Variants in WDFY3 observed in about 807,000 individuals in gnomAD.
The protein encoded by WDFY3 is WD repeat and FYVE domain-containing protein 3.
A neutral mutation model predicts 409.6 loss-of-function variants in WDFY3; 66 were observed. The ratio of observed to expected loss-of-function variants is 0.16; its 90% confidence interval spans 0.13 to 0.20. The LOEUF (loss-of-function observed/expected upper bound fraction) is 0.20, where lower values mean the gene tolerates loss of function less well. Ranked by LOEUF, WDFY3 falls within the 10% of genes least tolerant of loss-of-function variation. The probability of loss-of-function intolerance (pLI) is 1.00; values close to 1 mark genes in which losing one functional copy is unlikely to be tolerated. For missense variants in WDFY3, 3,031 were observed against 4,298.1 expected, an observed-to-expected ratio of 0.71 and a Z score of 8.24; for synonymous variants, 1,521 against 1,537.1, an observed-to-expected ratio of 0.99 and a Z score of 0.25.
chr4:84,874,341 A>G (rs1027464337), intron 3 of WDFY3, among the ~76,000 whole-genome samples: 1 of 151,830 alleles, frequency 6.6e-6, no homozygotes, highest in Non-Finnish European at 1.5e-5. Context: ...TGAGCCCAGG[A>G]GGCGGAGGTT....
At chr4:84,790,031 G>A in intron 21 of WDFY3, 124 bp from the exon 22 acceptor site, 7 of 1,056,212 alleles carry the variant, frequency 6.6e-6, no homozygotes, top group Non-Finnish European at 9.5e-6. Flanking sequence ...ACTGATTTGA[G>A]TAATAATACA....
chr4:84,803,542 C>T (rs1328610604), intron 15 of WDFY3, 75 bp from the exon 16 acceptor site: 4 of 1,469,890 alleles, frequency 2.7e-6, no homozygotes. Flanking sequence ...CTTTCATCCA[C>T]TGATAACCAA....
chr4:84,916,180 G>A (rs1166489242), intron 2 of WDFY3, among the ~76,000 whole-genome samples: 1 of 151,990 alleles, frequency 6.6e-6, no homozygotes, highest in Non-Finnish European at 1.5e-5. Context: ...AAAAATAACA[G>A]GTCAAGAAAT....
chr4:84,824,165 T>C (rs1465294430), intron 10 of WDFY3, among the ~76,000 whole-genome samples: 1 of 152,190 alleles, frequency 6.6e-6, no homozygotes, highest in African/African-American at 2.4e-5. Flanking sequence ...CATGGTTTTA[T>C]TTTCTGTGGT....
intron 1 of WDFY3, among the ~76,000 whole-genome samples, chr4:84,955,705 AT>A (rs1774158629): frequency 6.6e-6 from 1 of 152,254 alleles, no homozygotes; most frequent in Non-Finnish European, 1.5e-5. Context: ...AATTAAAAAA[AT>A]CAATAAGGTA....
intron 17 of WDFY3, among the ~76,000 whole-genome samples, chr4:84,799,939 A>G (rs1750203573): frequency 6.6e-6 from 1 of 152,188 alleles, no homozygotes; most frequent in Non-Finnish European, 1.5e-5. Flanking sequence ...TATGCAATGT[A>G]AGTTATCTGG....
At chr4:84,837,116 GAATA>G (rs1401152688) in intron 6 of WDFY3, 26 bp from the exon 7 acceptor site, 2 of 1,459,200 alleles carry the variant, frequency 1.4e-6, no homozygotes, top group Non-Finnish European at 1.8e-6. Context: ...ATAAATAAGT[GAATA>G]GATAGACACA....
At chr4:84,726,398 TCA>T (rs1035034433) in intron 45 of WDFY3, among the ~76,000 whole-genome samples, 12 of 152,236 alleles carry the variant, frequency 7.9e-5, no homozygotes, top group Admixed American at 1.3e-4. Context: ...TAAAAAGTGA[TCA>T]CACACTCTTT....
intron 3 of WDFY3, chr4:84,879,562 T>A (rs1022128250): frequency 6.6e-6 from 1 of 151,536 alleles, no homozygotes; most frequent in Non-Finnish European, 1.5e-5. Context: ...AAGTACAACC[T>A]CAGGTTAAGG....
chr4:84,963,978 T>TA (rs746510441), intron 1 of WDFY3, among the ~76,000 whole-genome samples: 2 of 152,256 alleles, frequency 1.3e-5, no homozygotes, highest in South Asian at 2.1e-4. Context: ...AAATGTAATT[T>TA]AAAAATTTTA....
intron 3 of WDFY3, among the ~76,000 whole-genome samples, chr4:84,864,365 C>CAAAAAAAAAAAAA (rs35016773): frequency 6.1e-5 from 2 of 32,572 alleles, no homozygotes; most frequent in African/African-American, 1.1e-4. Flanking sequence ...GACTCCATCT[C>CAAAAAAAAAAAAA]AAAAAAAAAA....
intron 2 of WDFY3, among the ~76,000 whole-genome samples, chr4:84,928,883 T>C (rs930549867): frequency 3.3e-5 from 5 of 152,060 alleles, no homozygotes; most frequent in Admixed American, 6.6e-5. Flanking sequence ...CCAAAACATA[T>C]CTCATTTTAT....
chr4:84,706,938 C>CTTT (rs1229485318), intron 53 of WDFY3, among the ~76,000 whole-genome samples: 7 of 134,850 alleles, frequency 5.2e-5, no homozygotes, highest in Non-Finnish European at 6.4e-5. Flanking sequence ...ATTTTTACTT[C>CTTT]TTTTTTTTTT....
chr4:84,696,277 TA>T, intron 57 of WDFY3, 95 bp from the exon 58 acceptor site: 2 of 1,152,196 alleles, frequency 1.7e-6, no homozygotes, highest in Middle Eastern at 2.0e-4. Flanking sequence ...GGAACTAAAA[TA>T]ACTAAAAATC....
rs1747503366 is a variant in WDFY3 at position 84,786,096 on chromosome 4, T to G, written c.3945A>C (p.Ser1315=). The change falls in exon 24 of 68, where the codon TCA becomes TCC. Residue 1315 remains serine (S), a synonymous_variant. Coordinates refer to ENST00000295888, the MANE Select transcript of WDFY3 (RefSeq NM_014991.6). ...ATGACACTTTCTCCTCTGGTACTAA[T>G]GACACAGGGGATGGCACCACCCCTT... ...KSEGVVPSPV[S]LVPEEKVSFG... 6.2e-7 allele frequency: 1 copy of G among 1,613,250 alleles called. No homozygotes were observed. Among genetic ancestry groups the G allele is most frequent in the Non-Finnish European group, 8.5e-7 (1 of 1,179,680 alleles).
chr4:84,680,705 A>C (rs1358388351), intron 64 of WDFY3, among the ~76,000 whole-genome samples: 1 of 152,210 alleles, frequency 6.6e-6, no homozygotes, highest in East Asian at 1.9e-4. Flanking sequence ...ACATGTGCAG[A>C]ATTTTTTTCC....
At chr4:84,751,431 CTAATT>C (rs1412816969) in intron 36 of WDFY3, 47 bp downstream of exon 36, 3 of 1,573,012 alleles carry the variant, frequency 1.9e-6, no homozygotes, top group Non-Finnish European at 1.7e-6. Context: ...TACTAATGTT[CTAATT>C]TAAAAAGTAA....
intron 47 of WDFY3, among the ~76,000 whole-genome samples, chr4:84,720,605 T>C (rs1431904919): frequency 6.6e-6 from 1 of 152,150 alleles, no homozygotes; most frequent in Non-Finnish European, 1.5e-5. Context: ...ACACAAGAGC[T>C]CCTTTTCTCA....
intron 1 of WDFY3, among the ~76,000 whole-genome samples, chr4:84,949,022 C>T (rs188880349): frequency 2.3e-4 from 35 of 152,078 alleles, no homozygotes; most frequent in Admixed American, 1.8e-3. Flanking sequence ...ACCCCTGGCA[C>T]GGCCTACCAA....
Sources: gnomAD v4.1 joint callset for allele counts (sites outside exome capture counted in the v4.1 genomes callset) on GRCh38, gnomAD v4.1.1 for gene constraint, MANE v1.5 for transcripts, NCBI Gene and HGNC (gene_info 2026-07-23, HGNC 2026-07-21) for gene names.